Variants in CLIP1 observed in about 807,000 individuals in gnomAD.
The protein encoded by CLIP1 is CAP-Gly domain containing linker protein 1, also known as CAP-Gly domain-containing linker protein 1.
Under a neutral mutation model 161.6 loss-of-function variants are expected in CLIP1, and 66 were observed. The ratio of observed to expected loss-of-function variants is 0.41; its 90% CI spans 0.33 to 0.50. The LOEUF (loss-of-function observed/expected upper bound fraction) is 0.50. Ranked by LOEUF, CLIP1 falls within the 20% of genes least tolerant of loss-of-function variation. The probability of loss-of-function intolerance (pLI) is 0.27; values close to 1 mark genes in which losing one functional copy is unlikely to be tolerated. For missense variants in CLIP1, 1,376 were observed against 1,702.0 expected, an observed-to-expected ratio of 0.81 and a Z score of 3.37; for synonymous variants, 598 against 626.2, an observed-to-expected ratio of 0.96 and a Z score of 0.67.
intron 17 of CLIP1, among the ~76,000 whole-genome samples, chr12:122,319,841 G>T (rs951736366): frequency 6.6e-6 from 1 of 152,122 alleles, no homozygotes; most frequent in East Asian, 1.9e-4. Context: ...AATTATTTGG[G>T]CACTTCTAAC....
At chr12:122,416,432 T>G (rs1956758573) in intron 1 of CLIP1, among the ~76,000 whole-genome samples, 1 of 152,162 alleles carries the variant, frequency 6.6e-6, no homozygotes, top group Non-Finnish European at 1.5e-5. Context: ...GAGCCTCATT[T>G]TCCCCCATAT....
In CLIP1 at chr12:122,321,950, T is replaced by G. The variant is rs1186587705; in HGVS notation, c.3250-2602A>C. Reference sequence around the variant, plus strand: ...CTACAGTGAGATACTTAGTAAAGAATCCCCCTTTCAGACTGTAACGAACAG... The same window carrying G: ...CTACAGTGAGATACTTAGTAAAGAAGCCCCCTTTCAGACTGTAACGAACAG... On this transcript the variant is annotated intron_variant, in intron 17 of 25. Transcript: ENST00000620786. Among the ~76,000 whole-genome samples the G allele has an allele frequency of 2.6e-5, 4 of 152,136 alleles. No homozygotes were observed. The South Asian group carries it at 8.3e-4, about 32-fold the overall frequency.
intron 17 of CLIP1, chr12:122,324,272 A>C (rs1354638741): frequency 6.6e-6 from 1 of 152,606 alleles, no homozygotes; most frequent in Admixed American, 6.5e-5. Context: ...TTCTAACTTT[A>C]AATCATTTCC....
intron 21 of CLIP1, among the ~76,000 whole-genome samples, chr12:122,286,564 CTT>C (rs1325137732): frequency 1.3e-4 from 16 of 120,354 alleles, no homozygotes; most frequent in African/African-American, 4.4e-4. Flanking sequence ...TAGACAAAGA[CTT>C]ATCAGGGGCA....
Position 122,347,356 on chromosome 12 carries a change from A to G in CLIP1, c.1506+19T>C, listed in dbSNP as rs779744909. On this transcript the variant is annotated intron_variant, in intron 10 of 25. Coordinates refer to ENST00000620786, the MANE Select transcript of CLIP1 (RefSeq NM_001247997.2). ...TTCACATGCATGGGTCTGCTTCATT[A>G]AATAGTGAAAACCATTACCCTAGTG... 6.5e-7 allele frequency: 1 copy of G among 1,549,454 alleles called. No homozygotes were observed.
At chr12:122,373,317 G>A (rs181064504) in intron 3 of CLIP1, among the ~76,000 whole-genome samples, 11 of 151,906 alleles carry the variant, frequency 7.2e-5, no homozygotes, top group African/African-American at 2.2e-4. Context: ...TCCCAGCTCC[G>A]GAGGCTGAGG....
At chr12:122,278,230 AAC>A (rs5801473) in intron 23 of CLIP1, 27 bp from the exon 24 acceptor site, 4 of 1,563,574 alleles carry the variant, frequency 2.6e-6, no homozygotes, top group South Asian at 2.3e-5. Flanking sequence ...AAAAAAAAAA[AAC>A]AAGTGGAGGG....
chr12:122,355,245 T>C lies in CLIP1; in HGVS notation c.1073A>G (p.Lys358Arg). The C allele has an allele frequency of 6.2e-7, 1 of 1,614,208 alleles. No homozygotes were observed. Among genetic ancestry groups the C allele is most frequent in the Non-Finnish European group, 8.5e-7 (1 of 1,180,026 alleles). ...CTGCTCAATGTGCTGCTGCTTCTCCTTCAGGGCCTCCTGGAGGGCAGTGGT... is the reference window on the plus strand; with the variant it reads ...CTGCTCAATGTGCTGCTGCTTCTCCCTCAGGGCCTCCTGGAGGGCAGTGGT... Reference protein sequence around the residue: ...SGTTALQEALKEKQQHIEQLL... With the variant: ...SGTTALQEALREKQQHIEQLL... The change falls in exon 6 of 26, where the codon AAG becomes AGG. Residue 358 changes from lysine to arginine, a missense_variant. By Grantham distance (26) the Lys-to-Arg change is conservative. Coordinates refer to ENST00000620786, the MANE Select transcript of CLIP1 (RefSeq NM_001247997.2). The surrounding 1 kb of genome is among the most constrained non-coding windows in gnomAD (Gnocchi z 4.1).
chr12:122,398,470 A>C (rs1956015546), intron 1 of CLIP1, among the ~76,000 whole-genome samples: 1 of 151,952 alleles, frequency 6.6e-6, no homozygotes, highest in Non-Finnish European at 1.5e-5. Flanking sequence ...TCTAAGATTG[A>C]AATGCTTTAT....
intron 8 of CLIP1, 25 bp from the exon 9 acceptor site, chr12:122,351,168 T>A (rs1953019610): frequency 2.1e-6 from 3 of 1,403,004 alleles, no homozygotes; most frequent in South Asian, 1.4e-5. Context: ...ATAAAAAAAA[T>A]TAAACAACAA....
chr12:122,406,892 G>A (rs1020589531), intron 1 of CLIP1, among the ~76,000 whole-genome samples: 4 of 148,902 alleles, frequency 2.7e-5, no homozygotes, highest in African/African-American at 5.0e-5. Context: ...TACTTAGCAC[G>A]CAGAAAATAA....
chr12:122,299,628 A>AAAAAAAAAAAAAC (rs1950605373), intron 20 of CLIP1, among the ~76,000 whole-genome samples: 1 of 149,960 alleles, frequency 6.7e-6, no homozygotes, highest in Non-Finnish European at 1.5e-5. Context: ...AAAAAAAAAA[A>AAAAAAAAAAAAAC]AAAAGATGCC....
chr12:122,288,972 C>T (rs1252840046), intron 20 of CLIP1, among the ~76,000 whole-genome samples: 6 of 151,254 alleles, frequency 4.0e-5, no homozygotes, highest in South Asian at 2.1e-4. Context: ...CCCGCCACAA[C>T]GCCCGGCTAA....
At chr12:122,389,758 CAAAAA>C (rs57168188) in intron 1 of CLIP1, among the ~76,000 whole-genome samples, 14 of 69,304 alleles carry the variant, frequency 2.0e-4, no homozygotes, top group Admixed American at 3.3e-4. Flanking sequence ...GATCCTGTCT[CAAAAA>C]AAAAAAAAAA....
intron 1 of CLIP1, among the ~76,000 whole-genome samples, chr12:122,389,524 C>T (rs1955489835): frequency 6.6e-6 from 1 of 151,946 alleles, no homozygotes; most frequent in Non-Finnish European, 1.5e-5. Flanking sequence ...TTTGGGAGGC[C>T]AAAGCCGGCG....
In CLIP1 at chr12:122,354,447, G is replaced by A. The variant is rs775245792; in HGVS notation, c.1307+6C>T. ...ACACTTGCACCAGGAAACAGTCTGGGGTCACCTTTTCTCCTCTTCAAGCTG... is the reference window on the plus strand; with the variant it reads ...ACACTTGCACCAGGAAACAGTCTGGAGTCACCTTTTCTCCTCTTCAAGCTG... On this transcript the variant is annotated splice_donor_region_variant and intron_variant, in intron 7 of 25. Coordinates refer to ENST00000620786, the MANE Select transcript of CLIP1 (RefSeq NM_001247997.2). 6.8e-6 allele frequency: 11 copies of A among 1,609,812 alleles called. No homozygotes were observed. The East Asian group carries it at 2.0e-4, about 29-fold the overall frequency.
chr12:122,386,060 C>T (rs1208500884), intron 1 of CLIP1, among the ~76,000 whole-genome samples: 6 of 152,050 alleles, frequency 3.9e-5, no homozygotes, highest in Admixed American at 2.0e-4. Flanking sequence ...CCAAGGCAGG[C>T]GGTTCACCTG....
intron 21 of CLIP1, among the ~76,000 whole-genome samples, chr12:122,286,953 G>A (rs534521782): frequency 3.3e-5 from 5 of 152,146 alleles, no homozygotes; most frequent in Admixed American, 2.6e-4. Context: ...AGCCGAGATC[G>A]CACCACTGCA....
chr12:122,389,529 C>T (rs1955490178), intron 1 of CLIP1, among the ~76,000 whole-genome samples: 1 of 152,000 alleles, frequency 6.6e-6, no homozygotes, highest in Admixed American at 6.6e-5. Flanking sequence ...GAGGCCAAAG[C>T]CGGCGGATCA....
Sources: gnomAD v4.1 joint callset for allele counts (sites outside exome capture counted in the v4.1 genomes callset) on GRCh38, gnomAD v4.1.1 for gene constraint, Gnocchi (gnomAD v3.1) non-coding constraint, MANE v1.5 for transcripts, NCBI Gene and HGNC (gene_info 2026-07-23, HGNC 2026-07-21) for gene names.